The following LRRC37A2 variants were observed in gnomAD, a reference collection of about 807,000 sequenced individuals.
LRRC37A2 encodes the protein leucine-rich repeat-containing protein 37A2.
LRRC37A2 carries 9 observed loss-of-function variants against 68.8 expected under a neutral mutation model. The observed-to-expected ratio is 0.13, with a 90% confidence interval of 0.08 to 0.23. The LOEUF is 0.23. Among genes scored for constraint, LRRC37A2 ranks in the 10% least tolerant of loss-of-function variants. The pLI, the probability that LRRC37A2 is intolerant of heterozygous loss-of-function variation, is 1.00. For synonymous variants in LRRC37A2, 63 were observed against 367.6 expected (o/e 0.17, Z 9.48); for missense variants, 168 against 950.4 (o/e 0.18, Z 10.82).
At chr17:46,893,657 T>A in the LRRC37A2 span, among the ~76,000 whole-genome samples, 1 of 152,020 alleles carries the variant, frequency 6.6e-6, no homozygotes, top group Non-Finnish European at 1.5e-5. Context: ...CTCCTCACTA[T>A]GGGGAGATGT....
the LRRC37A2 span, among the ~76,000 whole-genome samples, chr17:46,985,183 C>T: frequency 5.9e-5 from 9 of 152,266 alleles, no homozygotes; most frequent in South Asian, 1.7e-3. Context: ...TAAGAGACTT[C>T]GAGGTTGGCC....
chr17:46,747,441 C>T, the LRRC37A2 span, among the ~76,000 whole-genome samples: 11 of 152,096 alleles, frequency 7.2e-5, no homozygotes, highest in African/African-American at 1.9e-4. Context: ...CCACCACACC[C>T]GGCTAATTTT....
the LRRC37A2 span, among the ~76,000 whole-genome samples, chr17:46,633,662 G>C: frequency 4.4e-5 from 5 of 113,302 alleles, no homozygotes; most frequent in African/African-American, 7.8e-5. Context: ...AAATAATGCT[G>C]CAATGAACCT....
the LRRC37A2 span, chr17:46,872,804 C>T: frequency 6.1e-6 from 8 of 1,312,020 alleles, no homozygotes; most frequent in Admixed American, 3.9e-5. Flanking sequence ...ACGGGGAGGG[C>T]TGGGGGAAGA....
chr17:46,771,026 C>G, the LRRC37A2 span, among the ~76,000 whole-genome samples: 1 of 152,218 alleles, frequency 6.6e-6, no homozygotes, highest in African/African-American at 2.4e-5. Context: ...ATAAATGTGA[C>G]CAAATTTATT....
the LRRC37A2 span, among the ~76,000 whole-genome samples, chr17:46,848,000 G>A: frequency 8.1e-4 from 123 of 152,122 alleles, no homozygotes; most frequent in African/African-American, 2.3e-3. Flanking sequence ...GTGTGTGCAC[G>A]TGCATGTGTG....
the LRRC37A2 span, among the ~76,000 whole-genome samples, chr17:46,902,212 C>T: frequency 5.0e-4 from 76 of 152,306 alleles, 1 homozygote; most frequent in African/African-American, 1.8e-3. Context: ...AAGCATCTTC[C>T]TTCTGGGAAG....
At chr17:46,991,981 A>G in the LRRC37A2 span, among the ~76,000 whole-genome samples, 16 of 152,260 alleles carry the variant, frequency 1.1e-4, no homozygotes, top group Non-Finnish European at 1.9e-4. Context: ...AATGATATAA[A>G]AATTGGAACC....
At chr17:46,876,329 T>C in the LRRC37A2 span, 22 of 1,614,132 alleles carry the variant, frequency 1.4e-5, no homozygotes, top group South Asian at 2.3e-4. Context: ...GAAGCAGCTC[T>C]CCCCGTTCCG....
At chr17:46,726,693 C>T in the LRRC37A2 span, 1 of 1,252,170 alleles carries the variant, frequency 8.0e-7, no homozygotes, top group Non-Finnish European at 1.2e-6. Context: ...AGAAAATTAA[C>T]AAGTATTTAT....
At chr17:46,957,076 A>G in the LRRC37A2 span, among the ~76,000 whole-genome samples, 1 of 152,210 alleles carries the variant, frequency 6.6e-6, no homozygotes, top group African/African-American at 2.4e-5. Context: ...TGGGAGGCCC[A>G]GGCGGGTGGA....
At chr17:46,758,648 A>G in the LRRC37A2 span, among the ~76,000 whole-genome samples, 1 of 152,206 alleles carries the variant, frequency 6.6e-6, no homozygotes, top group Non-Finnish European at 1.5e-5. Context: ...AAATTGCATA[A>G]TTGTGGTTAA....
chr17:46,962,352 A>G, the LRRC37A2 span, among the ~76,000 whole-genome samples: 1 of 150,676 alleles, frequency 6.6e-6, no homozygotes, highest in Non-Finnish European at 1.5e-5. Context: ...AGTATTGATC[A>G]GTGTAGTAGT....
the LRRC37A2 span, among the ~76,000 whole-genome samples, chr17:46,736,176 CAAAT>C: frequency 2.6e-5 from 4 of 152,154 alleles, no homozygotes; most frequent in African/African-American, 9.7e-5. Context: ...CATCCTAAGA[CAAAT>C]ACTCTTGTCT....
At chr17:46,767,740 T>C in the LRRC37A2 span, among the ~76,000 whole-genome samples, 1 of 152,198 alleles carries the variant, frequency 6.6e-6, no homozygotes, top group Non-Finnish European at 1.5e-5. Context: ...TGTTAATCAA[T>C]TGCTGGCACC....
At chr17:46,813,780 C>G in the LRRC37A2 span, among the ~76,000 whole-genome samples, 1 of 152,228 alleles carries the variant, frequency 6.6e-6, no homozygotes, top group African/African-American at 2.4e-5. Flanking sequence ...GAGACTTCTT[C>G]CAATTCTACA....
chr17:46,543,514 A>G (rs1598475559), intron 8 of LRRC37A2, among the ~76,000 whole-genome samples: 1 of 150,960 alleles, frequency 6.6e-6, no homozygotes, highest in Non-Finnish European at 1.5e-5. Context: ...ATAGTAGACA[A>G]TGATAATATG....
At chr17:47,017,426 A>G in the LRRC37A2 span, 1 of 1,424,788 alleles carries the variant, frequency 7.0e-7, no homozygotes, top group Non-Finnish European at 9.8e-7. Flanking sequence ...CTACTCTCCC[A>G]GCAGACCCGT....
At chr17:46,865,794 A>G in the LRRC37A2 span, among the ~76,000 whole-genome samples, 2 of 152,190 alleles carry the variant, frequency 1.3e-5, no homozygotes, top group Non-Finnish European at 2.9e-5. Context: ...TTAATTTTGT[A>G]GAGACAACGT....
Sources: gnomAD v4.1 joint callset for allele counts (sites outside exome capture counted in the v4.1 genomes callset) on GRCh38, gnomAD v4.1.1 for gene constraint, MANE v1.5 for transcripts, NCBI Gene and HGNC (gene_info 2026-07-23, HGNC 2026-07-21) for gene names.